DDIAS: variants seen among roughly 807,000 people sequenced by gnomAD.
DDIAS encodes the protein DNA damage induced apoptosis suppressor, also known as DNA damage-induced apoptosis suppressor protein.
DDIAS carries 14 observed loss-of-function variants against 15.7 expected under a neutral mutation model. The observed-to-expected ratio is 0.89, with a 90% CI of 0.59 to 1.39. DDIAS has a LOEUF of 1.39. Ranked by LOEUF, DDIAS falls within the 40% of genes most tolerant of loss-of-function variation. The probability of loss-of-function intolerance (pLI) is 0.00; values close to 1 mark genes in which losing one functional copy is unlikely to be tolerated. For synonymous variants in DDIAS, 355 were observed against 395.9 expected, an observed-to-expected ratio of 0.90 and a Z score of 1.23; for missense variants, 1,035 against 1,130.9, an observed-to-expected ratio of 0.92 and a Z score of 1.22.
At chr11:82,927,835 A>G (rs967991315) in intron 3 of DDIAS, among the ~76,000 whole-genome samples, 8 of 152,076 alleles carry the variant, frequency 5.3e-5, no homozygotes, top group African/African-American at 1.9e-4. Context: ...CAGTATTTGC[A>G]CTAGACCCTT....
intron 3 of DDIAS, among the ~76,000 whole-genome samples, chr11:82,923,581 A>G (rs1860800410): frequency 6.6e-6 from 1 of 152,206 alleles, no homozygotes; most frequent in Admixed American, 6.5e-5. Flanking sequence ...GATTGAATGT[A>G]GTTTTCAATC....
intron 3 of DDIAS, among the ~76,000 whole-genome samples, chr11:82,927,680 GA>G (rs1860891403): frequency 6.6e-6 from 1 of 152,190 alleles, no homozygotes; most frequent in Admixed American, 6.5e-5. Context: ...TAACCTAACT[GA>G]GGGGTGGACA....
chr11:82,914,616 T>G (rs1860594101), intron 2 of DDIAS, 107 bp from the exon 3 acceptor site: 1 of 534,410 alleles, frequency 1.9e-6, no homozygotes, highest in African/African-American at 2.0e-5. Context: ...GTGAAACAAA[T>G]GACATCTATT....
chr11:82,911,638 C>A (rs1253940346), intron 1 of DDIAS, among the ~76,000 whole-genome samples: 1 of 152,220 alleles, frequency 6.6e-6, no homozygotes, highest in Non-Finnish European at 1.5e-5. Context: ...GAATCAGCTT[C>A]TTCCAAACTC....
intron 1 of DDIAS, among the ~76,000 whole-genome samples, chr11:82,902,767 C>G (rs1219875745): frequency 2.6e-5 from 4 of 152,218 alleles, no homozygotes; most frequent in African/African-American, 9.7e-5. Flanking sequence ...TTCCTGACCC[C>G]ACAGGACTGG....
Position 82,933,466 on chromosome 11 carries a change from G to A in DDIAS, c.2128G>A (p.Glu710Lys), listed in dbSNP as rs1198962007. 14 of 1,613,720 alleles carry A rather than the reference G, an allele frequency of 8.7e-6. No individual in the cohort carries two copies. The highest frequency in any genetic ancestry group is 1.2e-5 in the Non-Finnish European group (14 of 1,179,970). ...ILLKWGTSLA[E>K]SHPSESDFSL... ...GTTAAAATGGGGAACATCTTTGGCA[G>A]AAAGTCACCCTTCAGAGTCTGATTT... The change falls in exon 6 of 6, where the codon GAA becomes AAA. Residue 710 changes from glutamate (E) to lysine (K), a missense_variant. Glu to Lys is a moderately conservative substitution (Grantham distance 56). Coordinates refer to ENST00000533655, the MANE Select transcript of DDIAS (RefSeq NM_145018.4).
chr11:82,930,297 TTAA>T (rs1237013449), intron 5 of DDIAS, 23 bp downstream of exon 5: 1 of 1,410,824 alleles, frequency 7.1e-7, no homozygotes, highest in African/African-American at 1.4e-5. Context: ...AGCTTTCTTT[TTAA>T]TAATCTGTTA....
rs776866532 is a variant in DDIAS, at chr11:82,932,338, G to A, written c.1000G>A (p.Val334Ile). The change falls in exon 6 of 6, where the codon GTT becomes ATT. Residue 334 changes from valine (V) to isoleucine (I), a missense_variant. By Grantham distance (29) the Val-to-Ile change is conservative (BLOSUM62 3). Transcript: ENST00000533655. ...TCACAGCAGTCATCATGAAATTGGA[G>A]TTAATGACTCTAATTTATTCTCTTT... ...AVHSSHHEIG[V>I]NDSNLFSLEM... is the part of the protein sequence containing the mutation. 7 of 1,614,052 alleles carry A rather than the reference G, an allele frequency of 4.3e-6. No homozygotes were observed. The highest frequency in any genetic ancestry group is 1.1e-5 in the South Asian group (1 of 91,086).
intron 3 of DDIAS, among the ~76,000 whole-genome samples, chr11:82,919,741 G>GT (rs908571278): frequency 2.6e-5 from 4 of 151,880 alleles, no homozygotes; most frequent in East Asian, 1.9e-4. Flanking sequence ...TTTTTCGTTG[G>GT]TTTTTTTTGA....
At position 82,933,948 on chromosome 11, in the gene DDIAS, A is replaced by C; in HGVS notation, c.2610A>C (p.Gln870His). The stretch of plus-strand genomic sequence containing the variant: ...ATGAATGGGTCCCTCCTACCACACA[A>C]AAAATATTTCCTTCAGATATGCTTG... Reference protein sequence around the residue: ...DSDEWVPPTTQKIFPSDMLGF... With the variant: ...DSDEWVPPTTHKIFPSDMLGF... Residue 870 changes from glutamine to histidine, a missense_variant, in exon 6 of 6, where the codon CAA becomes CAC. Coordinates refer to ENST00000533655, the MANE Select transcript of DDIAS (RefSeq NM_145018.4). The C allele has an allele frequency of 1.2e-6, 2 of 1,612,664 alleles. No individual in the cohort carries two copies.
At chr11:82,914,903 G>T (rs765386482) in intron 3 of DDIAS, 52 bp downstream of exon 3, 6 of 1,218,528 alleles carry the variant, frequency 4.9e-6, no homozygotes, top group Non-Finnish European at 7.0e-6. Context: ...GCACACTGTA[G>T]ATTTCCTATG....
At chr11:82,911,620 G>A (rs1448185368) in intron 1 of DDIAS, among the ~76,000 whole-genome samples, 1 of 152,168 alleles carries the variant, frequency 6.6e-6, no homozygotes, top group Admixed American at 6.5e-5. Flanking sequence ...AGTCATCCAT[G>A]AGGACTGGAA....
Position 82,931,933 on chromosome 11 carries a change from G to A in DDIAS, c.595G>A (p.Ala199Thr), listed in dbSNP as rs748090095. 1 of 1,614,044 alleles carries A rather than the reference G, an allele frequency of 6.2e-7. No individual in the cohort carries two copies. The highest frequency in any genetic ancestry group is 2.2e-5 in the East Asian group (1 of 44,884). The change falls in exon 6 of 6, where the codon GCA (alanine) becomes ACA (threonine). Residue 199 changes from alanine to threonine, a missense_variant. Coordinates refer to ENST00000533655, the MANE Select transcript of DDIAS (RefSeq NM_145018.4). ...CAGGAAACTTCAGTGTGACTCTCAGGCACCTAACAATCACTTACTTGCTTT... is the reference window on the plus strand; with the variant it reads ...CAGGAAACTTCAGTGTGACTCTCAGACACCTAACAATCACTTACTTGCTTT... ...NFRKLQCDSQ[A>T]PNNHLLALDH... is the part of the protein sequence containing the mutation.
intron 3 of DDIAS, among the ~76,000 whole-genome samples, chr11:82,923,795 C>T (rs1277349676): frequency 2.0e-5 from 3 of 152,044 alleles, no homozygotes; most frequent in Non-Finnish European, 4.4e-5. Context: ...TGTAAATATA[C>T]AAACATAGAC....
chr11:82,932,478 C>T lies in DDIAS; in HGVS notation c.1140C>T (p.Thr380=). ...LPCFQHHGID[T]PTSLQKRSAC... Reference sequence around the variant, plus strand: ...GTTTTCAGCATCATGGTATAGATACCCCAACTAGCCTTCAGAAGAGATCTG... The same window carrying T: ...GTTTTCAGCATCATGGTATAGATACTCCAACTAGCCTTCAGAAGAGATCTG... The change falls in exon 6 of 6, where the codon ACC becomes ACT. Residue 380 remains threonine, a synonymous_variant. Coordinates refer to ENST00000533655, the MANE Select transcript of DDIAS (RefSeq NM_145018.4). The T allele has an allele frequency of 1.2e-6, 2 of 1,614,064 alleles. No homozygotes were observed. Among genetic ancestry groups the T allele is most frequent in the Non-Finnish European group, 1.7e-6 (2 of 1,180,008 alleles).
rs745410040 is a variant in DDIAS at position 82,932,390 on chromosome 11, G to A, written c.1052G>A (p.Ser351Asn). The part of the protein sequence containing the change: ...SLEMREPLES[S>N]NTKSFHSAVE... The stretch of plus-strand genomic sequence containing the variant: ...GAAATGCGAGAGCCCCTTGAGTCAA[G>A]TAATACAAAATCCTTCCACAGTGCA... The change falls in exon 6 of 6, where the codon AGT (serine) becomes AAT (asparagine). Residue 351 changes from serine (S) to asparagine (N), a missense_variant. Coordinates refer to ENST00000533655, the MANE Select transcript of DDIAS (RefSeq NM_145018.4). The A allele has an allele frequency of 6.2e-7, 1 of 1,614,062 alleles. No homozygotes were observed. Among genetic ancestry groups the A allele is most frequent in the Non-Finnish European group, 8.5e-7 (1 of 1,179,968 alleles).
chr11:82,914,598 C>T (rs1860593949), intron 2 of DDIAS, 125 bp from the exon 3 acceptor site: 2 of 528,434 alleles, frequency 3.8e-6, no homozygotes, highest in Non-Finnish European at 6.7e-6. Flanking sequence ...ACCACCTTCA[C>T]TTTGAAAGTG....
rs1287104396 is a variant in DDIAS, at chr11:82,931,955, C to G, written c.617C>G (p.Ala206Gly). 1 of 1,614,070 alleles carries G rather than the reference C, an allele frequency of 6.2e-7. No individual in the cohort carries two copies. Among genetic ancestry groups the G allele is most frequent in the Non-Finnish European group, 8.5e-7 (1 of 1,179,948 alleles). Residue 206 changes from alanine to glycine, a missense_variant, in exon 6 of 6, where the codon GCT becomes GGT. Transcript: ENST00000533655. ...CAGGCACCTAACAATCACTTACTTG[C>G]TTTAGATCACTCAAATAGTGATCTC... ...DSQAPNNHLL[A>G]LDHSNSDLSS...
At position 82,934,494 on chromosome 11, in the gene DDIAS, A is replaced by G; in HGVS notation, c.*159A>G. The G allele has an allele frequency of 1.5e-6, 1 of 670,838 alleles. No homozygotes were observed. The highest frequency in any genetic ancestry group is 2.3e-6 in the Non-Finnish European group (1 of 430,162). The allele number at this position is 670,838 out of a possible 1,614,324, so 41.6% of individuals were successfully genotyped here. ...ACTGTGCCTTTTAAAATATAAAGCC[A>G]TTGTTTTCCCCAGGGTTTTATCTAG... On this transcript the variant is annotated 3_prime_UTR_variant, in exon 6 of 6. Transcript: ENST00000533655.
Sources: allele counts gnomAD v4.1 joint callset (sites outside exome capture counted in the v4.1 genomes callset), GRCh38; gene constraint gnomAD v4.1.1; transcripts MANE v1.5; gene names NCBI Gene and HGNC (gene_info 2026-07-23, HGNC 2026-07-21).